Variants in TGFBR1 observed in about 807,000 individuals in gnomAD.
TGFBR1 encodes the protein transforming growth factor beta receptor 1, also known as TGF-beta receptor type-1.
In TGFBR1, 20 loss-of-function variants were observed where a neutral mutation model predicts 55.1. That is an observed-to-expected ratio of 0.36 (90% confidence interval 0.26 to 0.53). The LOEUF (loss-of-function observed/expected upper bound fraction) is 0.53. TGFBR1 is among the 20% of genes least tolerant of loss of function. The pLI is 0.91. For missense variants in TGFBR1, 385 were observed against 617.6 expected, an observed-to-expected ratio of 0.62 and a Z score of 3.99; for synonymous variants, 220 against 214.8, an observed-to-expected ratio of 1.02 and a Z score of -0.21.
chr9:99,147,090 C>T (rs334356), intron 7 of TGFBR1, among the ~76,000 whole-genome samples: 25,625 of 152,050 alleles, frequency 0.17, 2,291 homozygotes, highest in Non-Finnish European at 0.2. Context: ...AGATGGAGTA[C>T]TTTTAATGTT....
intron 1 of TGFBR1, among the ~76,000 whole-genome samples, chr9:99,105,520 G>C (rs1826385137): frequency 6.6e-6 from 1 of 150,694 alleles, no homozygotes. Flanking sequence ...GTCCGGGCGC[G>C]GGCGGACGTG....
intron 1 of TGFBR1, among the ~76,000 whole-genome samples, chr9:99,115,065 A>C (rs1356423939): frequency 6.6e-6 from 1 of 152,170 alleles, no homozygotes; most frequent in Non-Finnish European, 1.5e-5. Context: ...TTCTGATTTC[A>C]TTGGGAAAAA....
chr9:99,121,688 A>C (rs1041137403), intron 1 of TGFBR1, among the ~76,000 whole-genome samples: 3 of 152,138 alleles, frequency 2.0e-5, no homozygotes, highest in African/African-American at 7.2e-5. Flanking sequence ...GACATTGTGC[A>C]TGTTAGGTCT....
intron 2 of TGFBR1, among the ~76,000 whole-genome samples, chr9:99,131,282 A>G (rs997959804): frequency 1.3e-5 from 2 of 152,148 alleles, no homozygotes; most frequent in Admixed American, 6.5e-5. Context: ...ACGATCACCT[A>G]AAATTCTTGA....
intron 1 of TGFBR1, among the ~76,000 whole-genome samples, chr9:99,118,849 G>GTA (rs972907940): frequency 2.2e-4 from 33 of 151,756 alleles, no homozygotes; most frequent in African/African-American, 7.7e-4. Context: ...CAATGTTTTT[G>GTA]TATATCCTCT....
Position 99,132,565 on chromosome 9 carries a change from G to A in TGFBR1, c.400G>A (p.Val134Met), listed in dbSNP as rs730880222. The change falls in exon 3 of 9, where the codon GTG (valine) becomes ATG (methionine). Residue 134 changes from valine (V) to methionine (M), a missense_variant. Val to Met is a conservative substitution (Grantham distance 21). Transcript: ENST00000374994. Reference sequence around the variant, plus strand: ...ACTGGCAGCTGTCATTGCTGGACCAGTGTGCTTCGTCTGCATCTCACTCAT... The same window carrying A: ...ACTGGCAGCTGTCATTGCTGGACCAATGTGCTTCGTCTGCATCTCACTCAT... The part of the protein sequence containing the change: ...VELAAVIAGP[V>M]CFVCISLMLM... The A allele has an allele frequency of 1.2e-6, 2 of 1,614,050 alleles. No individual in the cohort carries two copies. Among genetic ancestry groups the A allele is most frequent in the Non-Finnish European group, 8.5e-7 (1 of 1,180,036 alleles).
rs199541766 is a variant in TGFBR1, at chr9:99,149,164, T to A, written c.1387-16T>A. The A allele has an allele frequency of 1.4e-4, 219 of 1,573,248 alleles. 1 individual carries two copies. The highest frequency in any genetic ancestry group is 2.0e-4 in the Admixed American group (11 of 54,734). On this transcript the variant is annotated splice_polypyrimidine_tract_variant and intron_variant, in intron 8 of 8. Transcript: ENST00000374994. ...ATGGTGCATGCATTAATTTTTTTTT[T>A]TATATTTTCTTGTAGGCCTTGAGAG... is the stretch of plus-strand genomic sequence containing the variant.
At position 99,149,583 on chromosome 9, in the gene TGFBR1, T is replaced by C. The variant is rs1279091564; in HGVS notation, c.*278T>C. 2.3e-6 allele frequency: 1 copy of C among 432,000 alleles called. No homozygotes were observed. Among genetic ancestry groups the C allele is most frequent in the Non-Finnish European group, 4.3e-6 (1 of 233,614 alleles). The allele number at this position is 432,000 out of a possible 1,614,324, so 26.8% of individuals were successfully genotyped here. ...TAACAAAACTTGTTTTTTAAAAAGA[T>C]GATTGCTGGTCTTAACTTTAGGTAA... On this transcript the variant is annotated 3_prime_UTR_variant, in exon 9 of 9. Coordinates refer to ENST00000374994, the MANE Select transcript of TGFBR1 (RefSeq NM_004612.4).
At chr9:99,144,068 C>CT (rs1827715388) in intron 5 of TGFBR1, among the ~76,000 whole-genome samples, 1 of 152,106 alleles carries the variant, frequency 6.6e-6, no homozygotes, top group Non-Finnish European at 1.5e-5. Context: ...TGGTTTGTTT[C>CT]TTTTGGCCAT....
At chr9:99,105,386 A>C in intron 1 of TGFBR1, 84 bp downstream of exon 1, 239 of 903,796 alleles carry the variant, frequency 2.6e-4, no homozygotes, top group Middle Eastern at 1.7e-3. Flanking sequence ...TTTCTCAAAC[A>C]TGGCGCGGGG....
intron 1 of TGFBR1, among the ~76,000 whole-genome samples, chr9:99,106,606 T>C (rs1229534510): frequency 6.6e-6 from 1 of 152,224 alleles, no homozygotes; most frequent in Non-Finnish European, 1.5e-5. Context: ...TTTACAGATG[T>C]GCAAAGTGGG....
intron 1 of TGFBR1, among the ~76,000 whole-genome samples, chr9:99,106,762 C>A (rs1490723246): frequency 2.0e-5 from 3 of 152,152 alleles, no homozygotes; most frequent in Non-Finnish European, 4.4e-5. Flanking sequence ...CTTCTTCAGT[C>A]GTCTGATGAG....
At chr9:99,112,323 G>A (rs1457164096) in intron 1 of TGFBR1, among the ~76,000 whole-genome samples, 2 of 152,106 alleles carry the variant, frequency 1.3e-5, no homozygotes, top group African/African-American at 4.8e-5. Context: ...TCACATACCT[G>A]CATGGCTTCC....
intron 1 of TGFBR1, 76 bp from the exon 2 acceptor site, chr9:99,128,779 A>T: frequency 6.4e-7 from 1 of 1,563,562 alleles, no homozygotes; most frequent in Non-Finnish European, 8.8e-7. Context: ...TCAAGAATGT[A>T]TTATTAGAGT....
At chr9:99,116,308 C>T (rs893546526) in intron 1 of TGFBR1, among the ~76,000 whole-genome samples, 2 of 152,094 alleles carry the variant, frequency 1.3e-5, no homozygotes, top group Admixed American at 1.3e-4. Context: ...GGATTTTAGG[C>T]ATCAGGCAGA....
chr9:99,131,201 T>A (rs970804312), intron 2 of TGFBR1, among the ~76,000 whole-genome samples: 1 of 151,878 alleles, frequency 6.6e-6, no homozygotes, highest in South Asian at 2.1e-4. Context: ...ATTGGTTACC[T>A]GTAAAAGGTG....
intron 1 of TGFBR1, among the ~76,000 whole-genome samples, chr9:99,120,191 C>T (rs1826858182): frequency 2.0e-5 from 3 of 152,120 alleles, no homozygotes. Flanking sequence ...TTACTCAGTG[C>T]CTGACTGGCA....
rs149417020 is a variant in TGFBR1, at chr9:99,129,075, C to T, written c.318C>T (p.Cys106=). The T allele has an allele frequency of 6.2e-6, 10 of 1,613,732 alleles. No individual in the cohort carries two copies. The African/African-American group carries it at 1.2e-4, about 19-fold the overall frequency. ...TTTYCCNQDH[C]NKIELPTTVK... ...CATATTGCTGCAATCAGGACCATTG[C>T]AATAAAATAGAACTTCCAACTACTG... The change falls in exon 2 of 9, where the codon TGC becomes TGT. Residue 106 remains cysteine (C), a synonymous_variant. Coordinates refer to ENST00000374994, the MANE Select transcript of TGFBR1 (RefSeq NM_004612.4).
At chr9:99,138,660 C>G (rs1171974450) in intron 4 of TGFBR1, among the ~76,000 whole-genome samples, 2 of 152,150 alleles carry the variant, frequency 1.3e-5, no homozygotes, top group Admixed American at 6.5e-5. Flanking sequence ...GTGCCTGAGG[C>G]CCAGTGTCAG....
Sources: allele counts gnomAD v4.1 joint callset (sites outside exome capture counted in the v4.1 genomes callset), GRCh38; gene constraint gnomAD v4.1.1; transcripts MANE v1.5; gene names NCBI Gene and HGNC (gene_info 2026-07-23, HGNC 2026-07-21).